The following SLC22A4 variants were observed in gnomAD, a reference collection of about 807,000 sequenced individuals.
SLC22A4 encodes solute carrier family 22 member 4.
In SLC22A4, 39 loss-of-function variants were observed where a neutral mutation model predicts 56.6. The observed-to-expected ratio is 0.69, with a 90% CI of 0.53 to 0.90. The LOEUF (loss-of-function observed/expected upper bound fraction) is 0.90, where lower values mean the gene tolerates loss of function less well. Ranked by LOEUF, SLC22A4 falls within the 40% of genes least tolerant of loss-of-function variation. The pLI is 0.00. For missense variants in SLC22A4, 594 were observed against 696.5 expected (o/e 0.85, Z 1.66); for synonymous variants, 241 against 281.4 (o/e 0.86, Z 1.44).
At chr5:132,313,892 A>G in intron 3 of SLC22A4, 124 bp downstream of exon 3, 2 of 1,059,560 alleles carry the variant, frequency 1.9e-6, no homozygotes, top group Non-Finnish European at 2.9e-6. Context: ...CTTGGGAGGG[A>G]GCCGTAGCCA....
At chr5:132,343,507 C>G (rs73787149) in intron 9 of SLC22A4, among the ~76,000 whole-genome samples, 88 of 152,170 alleles carry the variant, frequency 5.8e-4, no homozygotes, top group Middle Eastern at 3.4e-3. Context: ...GAATTTCATG[C>G]CTCCCTCTCT....
chr5:132,330,472 T>C (rs563086256), intron 5 of SLC22A4, among the ~76,000 whole-genome samples: 88 of 152,354 alleles, frequency 5.8e-4, no homozygotes, highest in Middle Eastern at 3.4e-3. Flanking sequence ...ACACCTGTAA[T>C]CCCAGCACTT....
intron 5 of SLC22A4, among the ~76,000 whole-genome samples, chr5:132,328,838 T>TCGC (rs1750763561): frequency 7.2e-6 from 1 of 138,592 alleles, no homozygotes; most frequent in Admixed American, 7.1e-5. Context: ...TATATATATA[T>TCGC]ACACACACAC....
At chr5:132,341,354 G>T (rs11242109) in intron 9 of SLC22A4, among the ~76,000 whole-genome samples, 58,773 of 151,626 alleles carry the variant, frequency 0.39, 12,225 homozygotes, top group Non-Finnish European at 0.46. Flanking sequence ...GGAGGTGGAG[G>T]TTGCAGTGAG....
At chr5:132,303,244 C>T (rs1363883519) in intron 1 of SLC22A4, among the ~76,000 whole-genome samples, 2 of 152,172 alleles carry the variant, frequency 1.3e-5, no homozygotes, top group Non-Finnish European at 2.9e-5. Context: ...GTGTGAGGAG[C>T]GCCAGCGCCA....
At chr5:132,310,599 C>T (rs928372689) in intron 1 of SLC22A4, among the ~76,000 whole-genome samples, 3 of 152,124 alleles carry the variant, frequency 2.0e-5, no homozygotes. Flanking sequence ...ACTTCCTGGC[C>T]CGAGTTGTTT....
chr5:132,310,238 G>A (rs1750147540), intron 1 of SLC22A4, among the ~76,000 whole-genome samples: 1 of 152,198 alleles, frequency 6.6e-6, no homozygotes, highest in African/African-American at 2.4e-5. Context: ...TATGACTTCA[G>A]ACAAATCCCA....
rs189305090 is a variant in SLC22A4, at chr5:132,315,562, G to A, written c.652+1794G>A. Among the ~76,000 whole-genome samples the A allele has an allele frequency of 5.7e-3, 866 of 152,310 alleles. 4 individuals are homozygous for A. The highest frequency in any genetic ancestry group is 6.5e-3 in the Non-Finnish European group (441 of 68,028). On this transcript the variant is annotated intron_variant, in intron 3 of 9. Transcript: ENST00000200652. ...AGGGCTGCCCTCCCCCGCCGGCTCT[G>A]ACACTATCATCTACTCTCCTCCCAG...
rs1406403367 is a variant in SLC22A4, at chr5:132,294,895, G to A, written c.279G>A (p.Ser93=). The change falls in exon 1 of 10, where the codon TCG becomes TCA. Residue 93 remains serine, a synonymous_variant. Transcript: ENST00000200652. This position sits in a 1 kb window ranked among gnomAD's most constrained non-coding sequence, Gnocchi z 5.6. ...RYRLATIANF[S]ALGLEPGRDV... is the part of the protein sequence containing the mutation. ...GGCTCGCCACCATCGCCAACTTCTC[G>A]GCGCTCGGGCTGGAGCCGGGGCGCG... 1 of 1,595,758 alleles carries A rather than the reference G, an allele frequency of 6.3e-7. No individual in the cohort carries two copies. Among genetic ancestry groups the A allele is most frequent in the East Asian group, 2.3e-5 (1 of 43,930 alleles).
intron 1 of SLC22A4, among the ~76,000 whole-genome samples, chr5:132,306,600 C>T (rs554502063): frequency 4.0e-5 from 6 of 150,784 alleles, no homozygotes; most frequent in African/African-American, 1.2e-4. Context: ...CACGTGCCAC[C>T]GTGCCCAGCT....
chr5:132,341,446 A>C (rs1459365140), intron 9 of SLC22A4, among the ~76,000 whole-genome samples: 1 of 152,184 alleles, frequency 6.6e-6, no homozygotes, highest in Non-Finnish European at 1.5e-5. Context: ...AATAAAGCAT[A>C]TTGTTGAGCA....
intron 1 of SLC22A4, chr5:132,295,402 G>A (rs1051452086): frequency 2.3e-6 from 1 of 434,654 alleles, no homozygotes; most frequent in Admixed American, 2.7e-5. Context: ...TTACTGGGCA[G>A]GGCGGGGCCA....
At position 132,324,506 on chromosome 5, in the gene SLC22A4, G is replaced by A. The variant is rs752091331; in HGVS notation, c.824+2151G>A. The A allele has an allele frequency of 3.0e-5, 14 of 471,058 alleles. 1 individual carries two copies. The highest frequency in any genetic ancestry group is 2.0e-4 in the South Asian group (13 of 64,556). 29.2% of individuals were successfully genotyped at this position (471,058 alleles called of 1,614,324 possible). The stretch of plus-strand genomic sequence containing the variant: ...CTGGCTGTGGGCATACTGTACCAGG[G>A]ACAGGACTTGCCCCAGACAGAGGCC... On this transcript the variant is annotated intron_variant, in intron 4 of 9. Transcript: ENST00000200652.
chr5:132,319,158 C>A (rs1750452102), intron 3 of SLC22A4, among the ~76,000 whole-genome samples: 1 of 151,926 alleles, frequency 6.6e-6, no homozygotes, highest in Non-Finnish European at 1.5e-5. Flanking sequence ...AAAAATTAGC[C>A]GGGCATGGTG....
In SLC22A4 at chr5:132,294,573, T is replaced by C. The variant is rs986486864; in HGVS notation, c.-44T>C. On this transcript the variant is annotated 5_prime_UTR_variant, in exon 1 of 10. Coordinates refer to ENST00000200652, the MANE Select transcript of SLC22A4 (RefSeq NM_003059.3). This position sits in a 1 kb window ranked among gnomAD's most constrained non-coding sequence, Gnocchi z 5.6. ...CTACAAGACACTGTCCTGAGAACGC[T>C]GTCATCACCCGTAGTTGCAAGTTTC... 6 of 1,613,824 alleles carry C rather than the reference T, an allele frequency of 3.7e-6. No individual in the cohort carries two copies. The highest frequency in any genetic ancestry group is 2.5e-6 in the Non-Finnish European group (3 of 1,179,970).
intron 6 of SLC22A4, among the ~76,000 whole-genome samples, chr5:132,333,370 T>C (rs948549923): frequency 6.6e-6 from 1 of 152,200 alleles, no homozygotes; most frequent in Non-Finnish European, 1.5e-5. Context: ...GCTCCTCTTT[T>C]TGAAGCGGAA....
chr5:132,311,975 C>G (rs569046050), intron 1 of SLC22A4, 186 bp from the exon 2 acceptor site: 2 of 668,098 alleles, frequency 3.0e-6, no homozygotes, highest in East Asian at 5.3e-5. Flanking sequence ...AGGTTACTCT[C>G]CCCAGTCCCG....
At chr5:132,338,332 T>C (rs1426604020) in intron 8 of SLC22A4, among the ~76,000 whole-genome samples, 6 of 151,972 alleles carry the variant, frequency 3.9e-5, no homozygotes. Flanking sequence ...CACAAGGTAA[T>C]AGAATATCAC....
rs1012188625 is a variant in SLC22A4, at chr5:132,304,488, G to T, written c.394-7673G>T. Among the ~76,000 whole-genome samples, 4 of 152,138 alleles carry T rather than the reference G, an allele frequency of 2.6e-5. No homozygotes were observed. In the East Asian group the frequency reaches 7.7e-4, roughly 29 times the overall value. On this transcript the variant is annotated intron_variant, in intron 1 of 9. Coordinates refer to ENST00000200652, the MANE Select transcript of SLC22A4 (RefSeq NM_003059.3). Reference sequence around the variant, plus strand: ...AAAAATTAGCTGGGCATGGTGGCAGGTCCCTGTAATCCCAGCTACTCAGGA... The same window carrying T: ...AAAAATTAGCTGGGCATGGTGGCAGTTCCCTGTAATCCCAGCTACTCAGGA...
Sources: gnomAD v4.1 joint callset for allele counts (sites outside exome capture counted in the v4.1 genomes callset) on GRCh38, gnomAD v4.1.1 for gene constraint, Gnocchi (gnomAD v3.1) non-coding constraint, MANE v1.5 for transcripts, NCBI Gene and HGNC (gene_info 2026-07-23, HGNC 2026-07-21) for gene names.